Variants in ACSL3 observed in about 807,000 individuals in gnomAD.
The protein encoded by ACSL3 is acyl-CoA synthetase long chain family member 3.
A neutral mutation model predicts 84.7 loss-of-function variants in ACSL3; 34 were observed. That is an observed-to-expected ratio of 0.40 (90% confidence interval 0.31 to 0.53). The LOEUF is 0.53. Ranked by LOEUF, ACSL3 falls within the 20% of genes least tolerant of loss-of-function variation. ACSL3 has a pLI of 0.48. For missense variants in ACSL3, 680 were observed against 873.1 expected, an observed-to-expected ratio of 0.78 and a Z score of 2.79; for synonymous variants, 315 against 299.4, an observed-to-expected ratio of 1.05 and a Z score of -0.54.
intron 12 of ACSL3, among the ~76,000 whole-genome samples, chr2:222,928,303 T>G (rs1191360258): frequency 6.6e-6 from 1 of 152,240 alleles, no homozygotes; most frequent in Non-Finnish European, 1.5e-5. Context: ...GATCTCACTT[T>G]GAAATGGTGA....
At chr2:222,922,651 C>T (rs1469452502) in intron 8 of ACSL3, 57 bp from the exon 9 acceptor site, 5 of 1,604,614 alleles carry the variant, frequency 3.1e-6, no homozygotes, top group Non-Finnish European at 4.3e-6. Context: ...CATTATAGGG[C>T]ACTTTTGGCA....
chr2:222,890,064 C>T (rs1471663004), intron 2 of ACSL3, among the ~76,000 whole-genome samples: 1 of 152,128 alleles, frequency 6.6e-6, no homozygotes, highest in Non-Finnish European at 1.5e-5. Context: ...ATGTTTAAAC[C>T]TTATTTTTAG....
chr2:222,871,432 T>C (rs1004604687), intron 1 of ACSL3, among the ~76,000 whole-genome samples: 1 of 152,046 alleles, frequency 6.6e-6, no homozygotes, highest in Non-Finnish European at 1.5e-5. Flanking sequence ...TAGATGTTTA[T>C]AGAATGAGGT....
chr2:222,866,944 C>G (rs980347809), intron 1 of ACSL3, among the ~76,000 whole-genome samples: 2 of 151,104 alleles, frequency 1.3e-5, no homozygotes, highest in Non-Finnish European at 2.9e-5. Flanking sequence ...AAGCAATTCT[C>G]CTGCCGCAGC....
At chr2:222,877,670 A>G (rs1044989630) in intron 1 of ACSL3, among the ~76,000 whole-genome samples, 1 of 152,226 alleles carries the variant, frequency 6.6e-6, no homozygotes, top group East Asian at 1.9e-4. Context: ...AAACTGGCAT[A>G]TGTAATGCCT....
Position 222,862,343 on chromosome 2 carries a change from A to C in ACSL3, c.-207+1085A>C, listed in dbSNP as rs188058883. On this transcript the variant is annotated intron_variant, in intron 1 of 16. Transcript: ENST00000357430. ...GATTCAGACAGGCCTGTGTAAATCC[A>C]GAGCTCTGAAATCTAAGCACTATAT... Among the ~76,000 whole-genome samples the C allele has an allele frequency of 2.5e-3, 387 of 152,332 alleles. 4 individuals carry two copies. Among genetic ancestry groups the C allele is most frequent in the African/African-American group, 8.7e-3 (361 of 41,574 alleles).
chr2:222,875,291 CAAG>C (rs1695416511), intron 1 of ACSL3, among the ~76,000 whole-genome samples: 1 of 151,884 alleles, frequency 6.6e-6, no homozygotes, highest in Non-Finnish European at 1.5e-5. Context: ...CTGATAAAAT[CAAG>C]AAGATTGGGG....
At chr2:222,920,027 A>C (rs566538243) in intron 7 of ACSL3, among the ~76,000 whole-genome samples, 6 of 152,294 alleles carry the variant, frequency 3.9e-5, no homozygotes, top group African/African-American at 1.4e-4. Context: ...AGAGGAAAGA[A>C]GAAAATATCT....
intron 2 of ACSL3, among the ~76,000 whole-genome samples, chr2:222,891,653 A>G (rs144423013): frequency 1.1e-3 from 161 of 152,284 alleles, no homozygotes; most frequent in African/African-American, 3.6e-3. Flanking sequence ...CTATCATACT[A>G]ATAGGACTGA....
In ACSL3 at chr2:222,941,733, C is replaced by A; in HGVS notation, c.*79C>A. 1 of 1,434,516 alleles carries A rather than the reference C, an allele frequency of 7.0e-7. No individual in the cohort carries two copies. Among genetic ancestry groups the A allele is most frequent in the Non-Finnish European group, 9.4e-7 (1 of 1,063,590 alleles). 88.9% of individuals were successfully genotyped at this position (1,434,516 alleles called of 1,614,324 possible). ...TACTTGAAATGCATGTCTCAAGCTG[C>A]AAGGCAAACTCCATTCCTCATATTA... On this transcript the variant is annotated 3_prime_UTR_variant, in exon 17 of 17. Transcript: ENST00000357430.
intron 3 of ACSL3, among the ~76,000 whole-genome samples, chr2:222,908,053 C>T (rs969062015): frequency 4.6e-5 from 7 of 152,136 alleles, no homozygotes; most frequent in Non-Finnish European, 1.0e-4. Flanking sequence ...GTAGGTTGCA[C>T]GAGAGTGGGA....
At chr2:222,923,828 A>G (rs367886694) in intron 10 of ACSL3, among the ~76,000 whole-genome samples, 2 of 152,196 alleles carry the variant, frequency 1.3e-5, no homozygotes, top group African/African-American at 2.4e-5. Flanking sequence ...TTAGTATCCA[A>G]CTTAAATTCT....
intron 4 of ACSL3, among the ~76,000 whole-genome samples, chr2:222,915,682 G>A (rs961052049): frequency 2.6e-5 from 4 of 152,160 alleles, no homozygotes; most frequent in South Asian, 2.1e-4. Flanking sequence ...AAAACCTGGC[G>A]GTGCCAGTAA....
intron 3 of ACSL3, chr2:222,904,951 A>T (rs1696254090): frequency 6.5e-6 from 1 of 153,256 alleles, no homozygotes. Context: ...CAGTGGAATA[A>T]GGGGGGTCTG....
chr2:222,890,172 TTA>T (rs1484323920), intron 2 of ACSL3, among the ~76,000 whole-genome samples: 1 of 152,244 alleles, frequency 6.6e-6, no homozygotes, highest in South Asian at 2.1e-4. Context: ...TAAGTTCTAA[TTA>T]TATGTTATTT....
At chr2:222,908,517 G>A (rs1310320803) in intron 3 of ACSL3, among the ~76,000 whole-genome samples, 2 of 152,176 alleles carry the variant, frequency 1.3e-5, no homozygotes, top group African/African-American at 2.4e-5. Context: ...TGGAACAGCC[G>A]CCTGTTTACA....
At chr2:222,931,408 T>A (rs10427163) in intron 14 of ACSL3, among the ~76,000 whole-genome samples, 2,100 of 129,516 alleles carry the variant, frequency 0.016, 38 homozygotes, top group African/African-American at 0.058. Context: ...AGCAAGACTC[T>A]GTCTAAAAAA....
chr2:222,921,044 T>G (rs1263055178), intron 7 of ACSL3: 1 of 617,244 alleles, frequency 1.6e-6, no homozygotes, highest in Non-Finnish European at 3.1e-6. Context: ...CTTCTCACCT[T>G]GTCTTGCTTC....
intron 11 of ACSL3, among the ~76,000 whole-genome samples, chr2:222,925,048 C>A (rs926568187): frequency 6.7e-6 from 1 of 148,782 alleles, no homozygotes; most frequent in East Asian, 2.0e-4. Context: ...AAAAAAAAAT[C>A]CATCCTGGCT....
Sources: gnomAD v4.1 joint callset for allele counts (sites outside exome capture counted in the v4.1 genomes callset) on GRCh38, gnomAD v4.1.1 for gene constraint, MANE v1.5 for transcripts, NCBI Gene and HGNC (gene_info 2026-07-23, HGNC 2026-07-21) for gene names.